The following LTBP1 variants were observed in gnomAD, a reference collection of about 807,000 sequenced individuals.
The protein encoded by LTBP1 is latent-transforming growth factor beta-binding protein 1.
Under a neutral mutation model 207.6 loss-of-function variants are expected in LTBP1, and 129 were observed. The ratio of observed to expected loss-of-function variants is 0.62; its 90% CI spans 0.54 to 0.72. The LOEUF is 0.72. LTBP1 is among the 30% of genes least tolerant of loss of function. The pLI is 0.00. For missense variants in LTBP1, 2,281 were observed against 2,217.2 expected, an observed-to-expected ratio of 1.03 and a Z score of -0.58; for synonymous variants, 963 against 833.7, an observed-to-expected ratio of 1.16 and a Z score of -2.67.
At chr2:33,178,487 G>A (rs57298159) in intron 5 of LTBP1, among the ~76,000 whole-genome samples, 7,604 of 152,206 alleles carry the variant, frequency 0.05, 639 homozygotes, top group African/African-American at 0.17. Flanking sequence ...AACAGAACAT[G>A]TTATTGAAGC....
At chr2:33,137,683 T>C (rs898961921) in intron 5 of LTBP1, among the ~76,000 whole-genome samples, 2 of 149,840 alleles carry the variant, frequency 1.3e-5, no homozygotes, top group Non-Finnish European at 1.5e-5. Context: ...ATTTGCATGG[T>C]GATTTACAGT....
At chr2:32,982,254 T>G (rs1440167605) in intron 2 of LTBP1, among the ~76,000 whole-genome samples, 2 of 152,220 alleles carry the variant, frequency 1.3e-5, no homozygotes, top group East Asian at 3.9e-4. Context: ...GGTGGCATTT[T>G]GCTTTTGCCC....
intron 11 of LTBP1, among the ~76,000 whole-genome samples, chr2:33,253,319 A>G (rs2092734669): frequency 6.6e-6 from 1 of 152,208 alleles, no homozygotes; most frequent in South Asian, 2.1e-4. Context: ...TATGAAGATT[A>G]ATAACTTAAG....
intron 3 of LTBP1, among the ~76,000 whole-genome samples, chr2:33,034,830 C>A (rs909136993): frequency 6.6e-6 from 1 of 151,836 alleles, no homozygotes; most frequent in Non-Finnish European, 1.5e-5. Flanking sequence ...ATATCCATGC[C>A]AATCAATTAG....
chr2:33,258,391 T>TA (rs1487573642), intron 12 of LTBP1, among the ~76,000 whole-genome samples: 2 of 152,186 alleles, frequency 1.3e-5, no homozygotes, highest in Admixed American at 6.5e-5. Context: ...GTTGAGGAGA[T>TA]AGAGTGCCCA....
intron 26 of LTBP1, among the ~76,000 whole-genome samples, chr2:33,354,715 CACACACACACA>C (rs2094833714): frequency 7.4e-6 from 1 of 134,756 alleles, no homozygotes; most frequent in Admixed American, 7.6e-5. Context: ...CACACACACA[CACACACACACA>C]CACCATTGTA....
intron 3 of LTBP1, among the ~76,000 whole-genome samples, chr2:33,097,887 G>A (rs1368138972): frequency 2.0e-5 from 3 of 152,064 alleles, no homozygotes; most frequent in African/African-American, 4.8e-5. Context: ...GTTTCTGGTA[G>A]TTTTTCTTTT....
chr2:33,059,046 T>G (rs1426524236), intron 3 of LTBP1, among the ~76,000 whole-genome samples: 1 of 152,224 alleles, frequency 6.6e-6, no homozygotes, highest in Non-Finnish European at 1.5e-5. Context: ...TTCATTAAAT[T>G]AAGTTTGTCT....
At chr2:33,034,028 G>C (rs756155439) in intron 3 of LTBP1, among the ~76,000 whole-genome samples, 1 of 152,126 alleles carries the variant, frequency 6.6e-6, no homozygotes, top group African/African-American at 2.4e-5. Context: ...AGATGGAGTC[G>C]TGTTTGCATC....
intron 2 of LTBP1, among the ~76,000 whole-genome samples, chr2:32,975,738 T>G (rs1681672557): frequency 6.6e-6 from 1 of 152,008 alleles, no homozygotes; most frequent in South Asian, 2.1e-4. Flanking sequence ...TGTGAGTTTT[T>G]TAGCTCTATC....
At chr2:33,095,606 C>A (rs1239413333) in intron 3 of LTBP1, among the ~76,000 whole-genome samples, 1 of 151,986 alleles carries the variant, frequency 6.6e-6, no homozygotes, top group Non-Finnish European at 1.5e-5. Context: ...AGAGATAAAA[C>A]AATCAGTAGA....
chr2:33,319,949 A>G (rs10189109), intron 24 of LTBP1, among the ~76,000 whole-genome samples: 99,661 of 152,116 alleles, frequency 0.66, 34,435 homozygotes, highest in Non-Finnish European at 0.76. Flanking sequence ...CGTTTGACAG[A>G]TATTTATTAA....
intron 5 of LTBP1, among the ~76,000 whole-genome samples, chr2:33,166,995 G>A (rs1157889390): frequency 1.3e-5 from 2 of 152,088 alleles, no homozygotes; most frequent in Admixed American, 1.3e-4. Flanking sequence ...TGCCCATGGT[G>A]TGCCGAATAC....
chr2:33,255,533 G>A (rs1227932986), intron 11 of LTBP1, among the ~76,000 whole-genome samples: 3 of 152,130 alleles, frequency 2.0e-5, no homozygotes, highest in Admixed American at 1.3e-4. Context: ...ACATGCACAC[G>A]TATGTTTATT....
intron 31 of LTBP1, among the ~76,000 whole-genome samples, chr2:33,370,483 A>AGCTGCT (rs923763562): frequency 1.8e-4 from 28 of 152,134 alleles, no homozygotes; most frequent in South Asian, 2.1e-4. Context: ...ATAAGTCCCA[A>AGCTGCT]GCTGCTGCTG....
intron 10 of LTBP1, among the ~76,000 whole-genome samples, chr2:33,247,136 G>A (rs2092539985): frequency 1.3e-5 from 2 of 152,190 alleles, no homozygotes; most frequent in African/African-American, 4.8e-5. Flanking sequence ...CCTTTTCGTA[G>A]TATTCTTCAC....
intron 24 of LTBP1, among the ~76,000 whole-genome samples, chr2:33,341,729 A>T (rs13018458): frequency 0.52 from 49,440 of 94,326 alleles, 13,393 homozygotes; most frequent in East Asian, 0.71. Context: ...AAAAAAAAAA[A>T]ATATATATAT....
At chr2:33,089,759 T>G (rs533713002) in intron 3 of LTBP1, among the ~76,000 whole-genome samples, 1 of 152,382 alleles carries the variant, frequency 6.6e-6, no homozygotes, top group East Asian at 1.9e-4. Context: ...TTACTTTTGT[T>G]TTTAAAAACT....
At chr2:32,999,417 G>A (rs1157595798) in intron 2 of LTBP1, among the ~76,000 whole-genome samples, 1 of 79,250 alleles carries the variant, frequency 1.3e-5, no homozygotes, top group Non-Finnish European at 2.9e-5. Context: ...TGGAGACCCC[G>A]GTCTAAGAGT....
Sources: gnomAD v4.1 joint callset for allele counts (sites outside exome capture counted in the v4.1 genomes callset) on GRCh38, gnomAD v4.1.1 for gene constraint, MANE v1.5 for transcripts, NCBI Gene and HGNC (gene_info 2026-07-23, HGNC 2026-07-21) for gene names.